OR8B3: variants seen among roughly 807,000 people sequenced by gnomAD.
The protein encoded by OR8B3 is olfactory receptor 8B3.
For synonymous variants in OR8B3, 102 were observed against 135.4 expected, an observed-to-expected ratio of 0.75 and a Z score of 1.71; for missense variants, 278 against 377.6, an observed-to-expected ratio of 0.74 and a Z score of 2.19.
chr11:124,403,706 G>A (rs1591439086), upstream of OR8B3, among the ~76,000 whole-genome samples: 2 of 152,222 alleles, frequency 1.3e-5, no homozygotes, highest in Admixed American at 1.3e-4. Flanking sequence ...CTTCCCAGAC[G>A]GGGTGGCGGC....
upstream of OR8B3, among the ~76,000 whole-genome samples, chr11:124,403,546 C>G (rs1377314771): frequency 2.0e-5 from 3 of 151,776 alleles, no homozygotes; most frequent in South Asian, 6.2e-4. Context: ...CCCCACATCT[C>G]AGACGATGGG....
chr11:124,397,103 C>A lies in OR8B3; in HGVS notation c.249G>T (p.Met83Ile). ...TAATATTCTTTTTTGATACAAAGTT[C>A]ATTAGCATTTTGGGAGTGAAAACAG... ...YSSVFTPKML[M>I]NFVSKKNIIS... The change falls in exon 2 of 2, where the codon ATG becomes ATT. Residue 83 changes from methionine (M) to isoleucine (I), a missense_variant. Physicochemically the swap from Met to Ile is conservative, Grantham distance 10. Coordinates refer to ENST00000641139, the MANE Select transcript of OR8B3 (RefSeq NM_001005467.2). The A allele has an allele frequency of 6.2e-7, 1 of 1,613,668 alleles. No homozygotes were observed. The highest frequency in any genetic ancestry group is 1.7e-4 in the Middle Eastern group (1 of 6,056).
chr11:124,404,082 C>G, the OR8B3 span, among the ~76,000 whole-genome samples: 9 of 152,248 alleles, frequency 5.9e-5, no homozygotes, highest in East Asian at 5.8e-4. Flanking sequence ...AGCTTCGGCT[C>G]GGCATCAGAG....
chr11:124,403,785 G>C (rs1467548122), upstream of OR8B3, among the ~76,000 whole-genome samples: 1 of 152,050 alleles, frequency 6.6e-6, no homozygotes, highest in Non-Finnish European at 1.5e-5. Flanking sequence ...AGGTTGTAGC[G>C]AGCCGAGATC....
upstream of OR8B3, among the ~76,000 whole-genome samples, chr11:124,400,865 G>A (rs1015728144): frequency 3.3e-5 from 5 of 151,754 alleles, no homozygotes; most frequent in Non-Finnish European, 5.9e-5. Context: ...CACACCCAGC[G>A]TAATTTTAAA....
the OR8B3 span, among the ~76,000 whole-genome samples, chr11:124,408,804 A>G: frequency 6.6e-6 from 1 of 152,164 alleles, no homozygotes; most frequent in Non-Finnish European, 1.5e-5. Flanking sequence ...ATGAAAATTT[A>G]CCATTACCAT....
upstream of OR8B3, among the ~76,000 whole-genome samples, chr11:124,399,314 T>A (rs1860951570): frequency 6.6e-6 from 1 of 152,234 alleles, no homozygotes; most frequent in South Asian, 2.1e-4. Context: ...TTTTAAATAA[T>A]CTTTCAAATA....
upstream of OR8B3, among the ~76,000 whole-genome samples, chr11:124,403,836 T>C (rs1381876534): frequency 1.3e-5 from 2 of 152,124 alleles, no homozygotes; most frequent in Non-Finnish European, 2.9e-5. Context: ...GAGCACTGAG[T>C]GAGCGAGACT....
At chr11:124,404,746 A>G in the OR8B3 span, 1 of 152,206 alleles carries the variant, frequency 6.6e-6, no homozygotes, top group Non-Finnish European at 1.5e-5. Flanking sequence ...TCTCTCGGCT[A>G]CAAGCATCTT....
At position 124,396,493 on chromosome 11, in the gene OR8B3, G is replaced by A; in HGVS notation, c.859C>T (p.Leu287Phe). 6.2e-7 allele frequency: 1 copy of A among 1,614,112 alleles called. No homozygotes were observed. Among genetic ancestry groups the A allele is most frequent in the Non-Finnish European group, 8.5e-7 (1 of 1,180,036 alleles). ...TCCTTGTTCCTCAAACTGTAGATGA[G>A]AGGATTGAGCATGGGCACCACATTA... ...YTNVVPMLNP[L>F]IYSLRNKDVK... Residue 287 changes from leucine to phenylalanine, a missense_variant, in exon 2 of 2, where the codon CTC becomes TTC. By Grantham distance (22) the Leu-to-Phe change is conservative. Coordinates refer to ENST00000641139, the MANE Select transcript of OR8B3 (RefSeq NM_001005467.2).
chr11:124,396,310 C>A lies in OR8B3; in HGVS notation c.*100G>T. The A allele has an allele frequency of 2.0e-6, 2 of 1,006,516 alleles. No homozygotes were observed. Among genetic ancestry groups the A allele is most frequent in the Non-Finnish European group, 1.4e-6 (1 of 709,586 alleles). The allele number at this position is 1,006,516 out of a possible 1,614,324, so 62.3% of individuals were successfully genotyped here. On this transcript the variant is annotated 3_prime_UTR_variant, in exon 2 of 2. Coordinates refer to ENST00000641139, the MANE Select transcript of OR8B3 (RefSeq NM_001005467.2). ...AAATGATAAGACAAGTTTATTAAATCACACATAACACCATCTGTAGAAACA... is the reference window on the plus strand; with the variant it reads ...AAATGATAAGACAAGTTTATTAAATAACACATAACACCATCTGTAGAAACA...
chr11:124,404,044 G>A, the OR8B3 span, among the ~76,000 whole-genome samples: 2 of 152,338 alleles, frequency 1.3e-5, no homozygotes, highest in Non-Finnish European at 1.5e-5. Context: ...GGAGGTTGCA[G>A]TGAGCAGAGA....
chr11:124,408,861 C>T, the OR8B3 span, among the ~76,000 whole-genome samples: 2 of 152,124 alleles, frequency 1.3e-5, no homozygotes, highest in Admixed American at 1.3e-4. Context: ...TTCTGAATAA[C>T]TTGTCTCTTA....
In OR8B3 at chr11:124,396,995, T is replaced by A; in HGVS notation, c.357A>T (p.Ala119=). 6.2e-7 allele frequency: 1 copy of A among 1,613,884 alleles called. No homozygotes were observed. Among genetic ancestry groups the A allele is most frequent in the Non-Finnish European group, 8.5e-7 (1 of 1,179,872 alleles). ...TACAGATGGCCACATAGCGATCATATGCCATTGAGGTCAACATGTAACATT... is the reference window on the plus strand; with the variant it reads ...TACAGATGGCCACATAGCGATCATAAGCCATTGAGGTCAACATGTAACATT... ...ISECYMLTSM[A]YDRYVAICNP... The change falls in exon 2 of 2, where the codon GCA becomes GCT. Residue 119 remains alanine (A), a synonymous_variant. Coordinates refer to ENST00000641139, the MANE Select transcript of OR8B3 (RefSeq NM_001005467.2).
At chr11:124,402,579 T>G (rs1324960776), upstream of OR8B3, among the ~76,000 whole-genome samples, 2 of 152,202 alleles carry the variant, frequency 1.3e-5, no homozygotes, top group African/African-American at 4.8e-5. Flanking sequence ...CATATTTTAC[T>G]TTTGTTTGTA....
Position 124,396,330 on chromosome 11 carries a change from G to T in OR8B3, c.*80C>A. 1 of 1,205,122 alleles carries T rather than the reference G, an allele frequency of 8.3e-7. No individual in the cohort carries two copies. The highest frequency in any genetic ancestry group is 1.5e-5 in the African/African-American group (1 of 64,970). The allele number at this position is 1,205,122 out of a possible 1,614,324, so 74.7% of individuals were successfully genotyped here. ...TAAATCACACATAACACCATCTGTA[G>T]AAACAACAAAATCTCTTCATGGAAC... On this transcript the variant is annotated 3_prime_UTR_variant, in exon 2 of 2. Coordinates refer to ENST00000641139, the MANE Select transcript of OR8B3 (RefSeq NM_001005467.2).
chr11:124,402,315 AG>A (rs1460622506), upstream of OR8B3, among the ~76,000 whole-genome samples: 8 of 152,350 alleles, frequency 5.3e-5, no homozygotes, highest in African/African-American at 1.9e-4. Flanking sequence ...ATTCTGAAAC[AG>A]TTCTTCAAAT....
intron 1 of OR8B3, among the ~76,000 whole-genome samples, chr11:124,397,910 G>T (rs1236557008): frequency 6.6e-6 from 1 of 151,988 alleles, no homozygotes; most frequent in African/African-American, 2.4e-5. Context: ...GGTCTGGCTG[G>T]TCTCAAACTC....
In OR8B3 at chr11:124,398,989, A is replaced by C. The variant is rs752316875; in HGVS notation, c.-317T>G. The C allele has an allele frequency of 6.6e-6, 1 of 152,324 alleles. No individual in the cohort carries two copies. The highest frequency in any genetic ancestry group is 2.1e-4 in the South Asian group (1 of 4,830). 9.4% of individuals were successfully genotyped at this position (152,324 alleles called of 1,614,324 possible). ...ACATGGCATTTGCTCAAGGCTTACA[A>C]TTCTTTTGGACCTGATTACATATCC... On this transcript the variant is annotated 5_prime_UTR_variant, in exon 1 of 2. Transcript: ENST00000641139.
Sources: allele counts gnomAD v4.1 joint callset (sites outside exome capture counted in the v4.1 genomes callset), GRCh38; gene constraint gnomAD v4.1.1; transcripts MANE v1.5; gene names NCBI Gene and HGNC (gene_info 2026-07-23, HGNC 2026-07-21).